CAB39: variants seen among roughly 807,000 people sequenced by gnomAD.
The protein encoded by CAB39 is calcium binding protein 39, also known as calcium-binding protein 39.
CAB39 carries 8 observed loss-of-function variants against 40.0 expected under a neutral mutation model. The observed-to-expected ratio is 0.20, with a 90% CI of 0.12 to 0.36. CAB39 has a LOEUF of 0.36. Ranked by LOEUF, CAB39 falls within the 10% of genes least tolerant of loss-of-function variation. CAB39 has a pLI of 1.00. For synonymous variants in CAB39, 156 were observed against 141.6 expected (o/e 1.10, Z -0.72); for missense variants, 270 against 401.1 (o/e 0.67, Z 2.79).
intron 1 of CAB39, among the ~76,000 whole-genome samples, chr2:230,754,484 C>T (rs1056146552): frequency 2.4e-4 from 33 of 139,510 alleles, no homozygotes; most frequent in African/African-American, 6.8e-4. Context: ...CTACTCCTTC[C>T]GCTCCTCTTC....
chr2:230,775,821 A>G (rs756375865), intron 2 of CAB39, among the ~76,000 whole-genome samples: 10 of 152,308 alleles, frequency 6.6e-5, no homozygotes, highest in South Asian at 2.1e-4. Context: ...GCAGATAGGC[A>G]TAGGAGTCAA....
In CAB39 at chr2:230,820,332, AC is replaced by A. The variant is rs1696487642; in HGVS notation, c.*1630del. 6.6e-6 allele frequency: 1 copy of A among 152,236 alleles called. No individual in the cohort carries two copies. The allele number at this position is 152,236 out of a possible 1,614,324, so 9.4% of individuals were successfully genotyped here. ...CAATTGCTGTTTCAGCAGGTTTTAA[AC>A]CTTCAGGAACACCAGTTAGGAAAAT... On this transcript the variant is annotated 3_prime_UTR_variant, in exon 9 of 9. Transcript: ENST00000258418.
At chr2:230,817,696 A>T (rs1316046012) in intron 7 of CAB39, 58 bp from the exon 8 acceptor site, 3 of 1,386,084 alleles carry the variant, frequency 2.2e-6, no homozygotes, top group Non-Finnish European at 3.0e-6. Flanking sequence ...TTGTTTTTTT[A>T]AACTTTGATT....
At chr2:230,776,837 C>T (rs1695599001) in intron 2 of CAB39, among the ~76,000 whole-genome samples, 1 of 152,084 alleles carries the variant, frequency 6.6e-6, no homozygotes, top group Non-Finnish European at 1.5e-5. Context: ...ACTACAGGCG[C>T]CTGCCACGCC....
chr2:230,787,892 T>C (rs1695821825), intron 2 of CAB39, among the ~76,000 whole-genome samples: 1 of 152,202 alleles, frequency 6.6e-6, no homozygotes, highest in South Asian at 2.1e-4. Context: ...CCAGGGCCAG[T>C]AGACAGTGTA....
rs571542579 is a variant in CAB39 at position 230,768,319 on chromosome 2, C to T, written c.114+8204C>T. Among the ~76,000 whole-genome samples the T allele has an allele frequency of 2.0e-5, 3 of 152,244 alleles. No homozygotes were observed. In the East Asian group the frequency reaches 5.8e-4, roughly 29 times the overall value. On this transcript the variant is annotated intron_variant, in intron 2 of 8. Coordinates refer to ENST00000258418, the MANE Select transcript of CAB39 (RefSeq NM_016289.4). ...TTATATTTCTTTTCAGTGCTACTGC[C>T]CACAGTAGTAGTAAGATAAATGTCC...
chr2:230,723,002 T>G lies in CAB39; in HGVS notation c.-44+9772T>G, dbSNP rs75360943. 7.3e-3 allele frequency among the ~76,000 whole-genome samples: 1,113 copies of G among 152,336 alleles called. 18 individuals are homozygous for G. Among genetic ancestry groups the G allele is most frequent in the African/African-American group, 0.025 (1,039 of 41,582 alleles). On this transcript the variant is annotated intron_variant, in intron 1 of 8. Coordinates refer to ENST00000258418, the MANE Select transcript of CAB39 (RefSeq NM_016289.4). ...ACTATTCCTTTTTAACTTTCTTAAT[T>G]TTCAATTTTGTTAAAAGAATGAATA...
chr2:230,732,475 CTTTG>C (rs1248600526), intron 1 of CAB39, among the ~76,000 whole-genome samples: 1 of 152,172 alleles, frequency 6.6e-6, no homozygotes, highest in African/African-American at 2.4e-5. Context: ...TCTACCTCAT[CTTTG>C]TTTAAAACTA....
At chr2:230,713,417 C>G (rs933873769) in intron 1 of CAB39, 187 bp downstream of exon 1, 2 of 152,336 alleles carry the variant, frequency 1.3e-5, no homozygotes, top group African/African-American at 2.4e-5. Flanking sequence ...CGGCTCGGCT[C>G]CGGTCCCTCG....
chr2:230,734,058 G>C (rs1694742137), intron 1 of CAB39, among the ~76,000 whole-genome samples: 1 of 152,234 alleles, frequency 6.6e-6, no homozygotes, highest in East Asian at 1.9e-4. Flanking sequence ...CACTAGGCCA[G>C]TTTGGCCCTC....
chr2:230,803,239 A>G lies in CAB39; in HGVS notation c.567+4342A>G, dbSNP rs543318698. 2.6e-5 allele frequency among the ~76,000 whole-genome samples: 4 copies of G among 152,366 alleles called. No homozygotes were observed. In the South Asian group the frequency reaches 6.2e-4, roughly 24 times the overall value. On this transcript the variant is annotated intron_variant, in intron 5 of 8. Coordinates refer to ENST00000258418, the MANE Select transcript of CAB39 (RefSeq NM_016289.4). ...GCTAAAAACTCTCAATAAACTAGGT[A>G]TTGATGGAACGTATCTCAAAATAAT...
chr2:230,796,372 T>C (rs576920481), intron 4 of CAB39, among the ~76,000 whole-genome samples: 1 of 152,182 alleles, frequency 6.6e-6, no homozygotes, highest in South Asian at 2.1e-4. Flanking sequence ...GCAATTTACA[T>C]GTTAGTATGC....
chr2:230,740,624 A>G (rs1052141129), intron 1 of CAB39, among the ~76,000 whole-genome samples: 10 of 152,084 alleles, frequency 6.6e-5, no homozygotes, highest in Non-Finnish European at 1.3e-4. Context: ...ATCAAGCATT[A>G]GGTTCTCATA....
At position 230,818,801 on chromosome 2, in the gene CAB39, A is replaced by C. The variant is rs919967803; in HGVS notation, c.*97A>C. 7 of 965,194 alleles carry C rather than the reference A, an allele frequency of 7.3e-6. No homozygotes were observed. The highest frequency in any genetic ancestry group is 1.1e-5 in the Non-Finnish European group (7 of 636,746). The allele number at this position is 965,194 out of a possible 1,614,324, so 59.8% of individuals were successfully genotyped here. ...TTGATTCATGAGGAACATTACTGCT[A>C]ATCTGCTGTTAAGTGAACGGTTTTT... On this transcript the variant is annotated 3_prime_UTR_variant, in exon 9 of 9. Coordinates refer to ENST00000258418, the MANE Select transcript of CAB39 (RefSeq NM_016289.4).
chr2:230,816,008 T>C (rs1378262138), intron 7 of CAB39, among the ~76,000 whole-genome samples: 1 of 152,242 alleles, frequency 6.6e-6, no homozygotes, highest in African/African-American at 2.4e-5. Flanking sequence ...GTATGGTGGC[T>C]CACGCCTGTA....
At chr2:230,742,243 T>C (rs377106217) in intron 1 of CAB39, among the ~76,000 whole-genome samples, 1 of 152,080 alleles carries the variant, frequency 6.6e-6, no homozygotes. Flanking sequence ...GGTGCGATCT[T>C]GGCTCACTGC....
chr2:230,816,334 G>A (rs1471040768), intron 7 of CAB39, among the ~76,000 whole-genome samples: 1 of 152,180 alleles, frequency 6.6e-6, no homozygotes, highest in Non-Finnish European at 1.5e-5. Context: ...TGGTTTCTGT[G>A]ATAGAAAAAG....
chr2:230,790,950 G>A lies in CAB39; in HGVS notation c.193G>A (p.Glu65Lys). 1 of 1,612,986 alleles carries A rather than the reference G, an allele frequency of 6.2e-7. No homozygotes were observed. Among genetic ancestry groups the A allele is most frequent in the Non-Finnish European group, 8.5e-7 (1 of 1,179,022 alleles). ...CACAAATGAAAAAGAGCCTCAGACA[G>A]AAGCAGTAGCTCAACTTGCTCAAGA... ...YGTNEKEPQTEAVAQLAQELY... is the reference protein window; with the variant it reads ...YGTNEKEPQTKAVAQLAQELY... Residue 65 changes from glutamate to lysine, a missense_variant, in exon 3 of 9, where the codon GAA (glutamate) becomes AAA (lysine). Physicochemically the swap from Glu to Lys is moderately conservative, Grantham distance 56. Coordinates refer to ENST00000258418, the MANE Select transcript of CAB39 (RefSeq NM_016289.4).
chr2:230,734,805 C>CT (rs11398128), intron 1 of CAB39, among the ~76,000 whole-genome samples: 54,629 of 151,918 alleles, frequency 0.36, 13,576 homozygotes, highest in African/African-American at 0.71. Flanking sequence ...CATTCCACCC[C>CT]GACGAAGGAG....
Sources: allele counts gnomAD v4.1 joint callset (sites outside exome capture counted in the v4.1 genomes callset), GRCh38; gene constraint gnomAD v4.1.1; transcripts MANE v1.5; gene names NCBI Gene and HGNC (gene_info 2026-07-23, HGNC 2026-07-21).